Variants in KCMF1 observed in about 807,000 individuals in gnomAD.
KCMF1 encodes the protein potassium channel modulatory factor 1.
In KCMF1, 3 loss-of-function variants were observed where a neutral mutation model predicts 41.1. The ratio of observed to expected loss-of-function variants is 0.07; its 90% CI spans 0.03 to 0.19. The LOEUF is 0.19. Among genes scored for constraint, KCMF1 ranks in the 10% least tolerant of loss-of-function variants. The probability of loss-of-function intolerance (pLI) is 1.00; values close to 1 mark genes in which losing one functional copy is unlikely to be tolerated. For missense variants in KCMF1, 286 were observed against 488.9 expected (o/e 0.58, Z 3.91); for synonymous variants, 142 against 164.5 (o/e 0.86, Z 1.04).
intron 1 of KCMF1, among the ~76,000 whole-genome samples, chr2:84,976,404 C>T (rs1574000880): frequency 2.0e-5 from 3 of 152,022 alleles, no homozygotes. Flanking sequence ...ACAGGTTTCA[C>T]CATGTTGGCC....
intron 1 of KCMF1, among the ~76,000 whole-genome samples, chr2:85,017,917 T>C (rs964873386): frequency 6.6e-6 from 1 of 152,198 alleles, no homozygotes; most frequent in Admixed American, 6.5e-5. Flanking sequence ...GTGTTCCCAC[T>C]AGAGGGCATC....
chr2:84,996,430 A>ATT (rs869089697), intron 1 of KCMF1, among the ~76,000 whole-genome samples: 1,732 of 123,988 alleles, frequency 0.014, 29 homozygotes, highest in South Asian at 0.046. Context: ...ATAACCTAAG[A>ATT]TTTTTTTTTT....
At chr2:84,993,939 TTTGTTTTGTTTTG>T (rs1213162536) in intron 1 of KCMF1, among the ~76,000 whole-genome samples, 7 of 145,078 alleles carry the variant, frequency 4.8e-5, no homozygotes, top group Admixed American at 6.9e-5. Flanking sequence ...TTTGTTTTGT[TTTGTTTTGTTTTG>T]TTTTGTTTTG....
chr2:85,035,149 A>G lies in KCMF1; in HGVS notation c.318A>G (p.Thr106=). 1.2e-6 allele frequency: 2 copies of G among 1,611,912 alleles called. No homozygotes were observed. Among genetic ancestry groups the G allele is most frequent in the South Asian group, 2.2e-5 (2 of 90,424 alleles). The change falls in exon 3 of 7, where the codon ACA becomes ACG. Residue 106 remains threonine (T), a synonymous_variant. Coordinates refer to ENST00000409785, the MANE Select transcript of KCMF1 (RefSeq NM_020122.5). ...CTTCTGAACATGCAGAAACATCAAC[A>G]GAAGTGGTAAGTGAAGCAGCAACCT... ...HVTSEHAETS[T]EVICPICAAL...
At position 85,053,511 on chromosome 2, in the gene KCMF1, T is replaced by C. The variant is rs1675856819; in HGVS notation, c.*102T>C. Reference sequence around the variant, plus strand: ...TTTGGTGATTGTAATTTCAGGTCTGTCACTCTTGTTACATTGTGTACATTC... The same window carrying C: ...TTTGGTGATTGTAATTTCAGGTCTGCCACTCTTGTTACATTGTGTACATTC... On this transcript the variant is annotated 3_prime_UTR_variant, in exon 7 of 7. Transcript: ENST00000409785. 15 of 1,156,262 alleles carry C rather than the reference T, an allele frequency of 1.3e-5. No individual in the cohort carries two copies. Among genetic ancestry groups the C allele is most frequent in the Non-Finnish European group, 1.6e-5 (13 of 825,482 alleles). 71.6% of individuals were successfully genotyped at this position (1,156,262 alleles called of 1,614,324 possible). A position where few individuals can be genotyped will look rare whatever the true frequency, so the allele number is the denominator to read the frequency against.
intron 1 of KCMF1, among the ~76,000 whole-genome samples, chr2:84,976,181 T>TTTC (rs1052367369): frequency 6.6e-5 from 10 of 152,120 alleles, no homozygotes; most frequent in Non-Finnish European, 1.3e-4. Context: ...CTAGCACTTT[T>TTTC]TTCTTGAGTG....
At chr2:85,008,282 G>GATATATCAT (rs1674530047) in intron 1 of KCMF1, among the ~76,000 whole-genome samples, 2 of 75,826 alleles carry the variant, frequency 2.6e-5, no homozygotes, top group Non-Finnish European at 2.5e-5. Context: ...TATATAATAT[G>GATATATCAT]ATATATAATA....
Position 85,056,033 on chromosome 2 carries a change from C to A in KCMF1, c.*2624C>A, listed in dbSNP as rs1675919961. On this transcript the variant is annotated 3_prime_UTR_variant, in exon 7 of 7. Transcript: ENST00000409785. ...GAACAAGTAGAAATAACTGTGCTTC[C>A]TTGTATGGCTGCAATCATAAGACAG... The A allele has an allele frequency of 6.6e-6, 1 of 151,708 alleles. No homozygotes were observed. Among genetic ancestry groups the A allele is most frequent in the African/African-American group, 2.4e-5 (1 of 41,232 alleles). 9.4% of individuals were successfully genotyped at this position (151,708 alleles called of 1,614,324 possible). A position where few individuals can be genotyped will look rare whatever the true frequency, so the allele number is the denominator to read the frequency against.
chr2:85,014,749 T>TGTGTG (rs1558575822), intron 1 of KCMF1, among the ~76,000 whole-genome samples: 4 of 146,634 alleles, frequency 2.7e-5, no homozygotes, highest in African/African-American at 1.0e-4. Context: ...GTGTGTGTGT[T>TGTGTG]TTTAAATAGA....
chr2:85,029,254 A>G (rs1171055100), intron 2 of KCMF1, among the ~76,000 whole-genome samples: 2 of 151,994 alleles, frequency 1.3e-5, no homozygotes, highest in African/African-American at 2.4e-5. Context: ...GTGAGCCACC[A>G]TGCCCAGCAA....
chr2:85,009,247 A>G (rs1046494469), intron 1 of KCMF1, among the ~76,000 whole-genome samples: 7 of 151,972 alleles, frequency 4.6e-5, no homozygotes. Flanking sequence ...CTGCTCCACC[A>G]TTGTGAAGTA....
rs145669414 is a variant in KCMF1, at chr2:85,053,599, G to C, written c.*190G>C. On this transcript the variant is annotated 3_prime_UTR_variant, in exon 7 of 7. Transcript: ENST00000409785. The stretch of plus-strand genomic sequence containing the variant: ...ACTTAACTAATTTTTACTTCTAGCA[G>C]GTAAATGTAGGTAGCAGTGCAGGGG... 2 of 642,874 alleles carry C rather than the reference G, an allele frequency of 3.1e-6. No homozygotes were observed. The highest frequency in any genetic ancestry group is 3.1e-5 in the Admixed American group (1 of 32,566). 39.8% of individuals were successfully genotyped at this position (642,874 alleles called of 1,614,324 possible).
At chr2:85,052,497 T>C (rs1452549568) in intron 6 of KCMF1, among the ~76,000 whole-genome samples, 1 of 152,218 alleles carries the variant, frequency 6.6e-6, no homozygotes, top group East Asian at 1.9e-4. Flanking sequence ...CTAGTCTCTG[T>C]GCAGATGAGC....
intron 4 of KCMF1, among the ~76,000 whole-genome samples, chr2:85,043,897 A>G (rs1675602356): frequency 6.6e-6 from 1 of 152,192 alleles, no homozygotes; most frequent in Non-Finnish European, 1.5e-5. Flanking sequence ...CCAAAAGAGG[A>G]AAAGTAATGT....
intron 1 of KCMF1, among the ~76,000 whole-genome samples, chr2:84,979,368 CA>C (rs1213569756): frequency 6.6e-6 from 1 of 151,646 alleles, no homozygotes; most frequent in African/African-American, 2.4e-5. Context: ...ACTAAAAATA[CA>C]AAAAAATATC....
At chr2:85,013,676 T>C (rs1276788324) in intron 1 of KCMF1, among the ~76,000 whole-genome samples, 2 of 152,020 alleles carry the variant, frequency 1.3e-5, no homozygotes, top group East Asian at 3.9e-4. Flanking sequence ...CACGCACTTG[T>C]AATCCCAGCT....
intron 1 of KCMF1, among the ~76,000 whole-genome samples, chr2:84,997,759 A>ATT (rs1674210873): frequency 2.9e-5 from 3 of 102,746 alleles, no homozygotes; most frequent in Admixed American, 9.9e-5. Context: ...CAAAAAATAC[A>ATT]TTTTCTTTTT....
intron 1 of KCMF1, among the ~76,000 whole-genome samples, chr2:85,005,048 G>A (rs1316156680): frequency 2.6e-5 from 4 of 151,418 alleles, no homozygotes; most frequent in Non-Finnish European, 4.4e-5. Flanking sequence ...CTGGGATTAC[G>A]GGCACCTGCC....
At chr2:84,999,558 TG>T (rs1179329139) in intron 1 of KCMF1, among the ~76,000 whole-genome samples, 2 of 152,222 alleles carry the variant, frequency 1.3e-5, no homozygotes, top group African/African-American at 4.8e-5. Flanking sequence ...GTGAAATAAC[TG>T]AGTACCTATA....
Sources: gnomAD v4.1 joint callset for allele counts (sites outside exome capture counted in the v4.1 genomes callset) on GRCh38, gnomAD v4.1.1 for gene constraint, MANE v1.5 for transcripts, NCBI Gene and HGNC (gene_info 2026-07-23, HGNC 2026-07-21) for gene names.